Variants in RIF1 observed in about 807,000 individuals in gnomAD.
RIF1 encodes the protein replication timing regulatory factor 1.
Under a neutral mutation model 247.1 loss-of-function variants are expected in RIF1, and 45 were observed. The observed-to-expected ratio is 0.18, with a 90% CI of 0.14 to 0.23. RIF1 has a LOEUF of 0.23. RIF1 is among the 10% of genes least tolerant of loss of function. RIF1 has a pLI of 1.00. For missense variants in RIF1, 2,967 were observed against 2,862.5 expected, an observed-to-expected ratio of 1.04 and a Z score of -0.83; for synonymous variants, 1,087 against 978.8, an observed-to-expected ratio of 1.11 and a Z score of -2.06.
At chr2:151,436,445 A>T (rs1437272291) in intron 11 of RIF1, among the ~76,000 whole-genome samples, 1 of 150,072 alleles carries the variant, frequency 6.7e-6, no homozygotes, top group African/African-American at 2.4e-5. Flanking sequence ...TGGAATGCTG[A>T]TGGGAGAAGT....
Position 151,464,641 on chromosome 2 carries a change from G to C in RIF1, c.5121G>C (p.Ser1707=). 2 of 1,613,392 alleles carry C rather than the reference G, an allele frequency of 1.2e-6. No individual in the cohort carries two copies. The highest frequency in any genetic ancestry group is 1.7e-6 in the Non-Finnish European group (2 of 1,179,640). Residue 1707 remains serine, a synonymous_variant, in exon 30 of 36, where the codon TCG becomes TCC. Coordinates refer to ENST00000444746, the MANE Select transcript of RIF1 (RefSeq NM_018151.5). ...SSKIGISDIS[S]LSEKTFQTLE... ...AAATAGGGATATCAGATATTTCTTCGCTTTCAGAAAAAACTTTTCAAACAC... is the reference window on the plus strand; with the variant it reads ...AAATAGGGATATCAGATATTTCTTCCCTTTCAGAAAAAACTTTTCAAACAC...
At chr2:151,431,779 C>CTGAA (rs10681364) in intron 9 of RIF1, among the ~76,000 whole-genome samples, 18,115 of 149,574 alleles carry the variant, frequency 0.12, 1,754 homozygotes, top group African/African-American at 0.27. Context: ...ACTTCCGTCT[C>CTGAA]TGAATGAATG....
At chr2:151,529,457 G>A in the RIF1 span, 1 of 644,080 alleles carries the variant, frequency 1.6e-6, no homozygotes, top group Non-Finnish European at 2.8e-6. Context: ...TGTGGAGCAA[G>A]GATACAGCCA....
At chr2:151,466,579 T>C (rs1485538313) in intron 30 of RIF1, among the ~76,000 whole-genome samples, 2 of 152,226 alleles carry the variant, frequency 1.3e-5, no homozygotes, top group Non-Finnish European at 2.9e-5. Flanking sequence ...CTTCATCAAC[T>C]TGTAGATGTG....
In RIF1 at chr2:151,439,629, A is replaced by G. The variant is rs533396293; in HGVS notation, c.1547-398A>G. Among the ~76,000 whole-genome samples, 8 of 148,498 alleles carry G rather than the reference A, an allele frequency of 5.4e-5. No homozygotes were observed. In the East Asian group the frequency reaches 1.2e-3, roughly 22 times the overall value. On this transcript the variant is annotated intron_variant, in intron 14 of 35. Transcript: ENST00000444746. The stretch of plus-strand genomic sequence containing the variant: ...GGTTGCAGTGAGCTGAGATGGCGCC[A>G]TTGCACTCCAGCCTGGGCAATAAGA...
intron 23 of RIF1, 68 bp from the exon 24 acceptor site, chr2:151,457,693 A>G: frequency 8.5e-7 from 1 of 1,180,406 alleles, no homozygotes. Flanking sequence ...AAAAATTGAA[A>G]TAGCAACATA....
intron 6 of RIF1, among the ~76,000 whole-genome samples, chr2:151,419,505 T>C (rs1398739628): frequency 2.0e-5 from 3 of 151,982 alleles, no homozygotes; most frequent in Non-Finnish European, 4.4e-5. Flanking sequence ...GTTGTATTTT[T>C]AGAAGAGACA....
intron 4 of RIF1, among the ~76,000 whole-genome samples, 164 bp downstream of exon 4, chr2:151,415,083 C>T (rs1461672881): frequency 6.6e-6 from 1 of 151,960 alleles, no homozygotes; most frequent in Non-Finnish European, 1.5e-5. Context: ...TGTGGTGGCT[C>T]ACGCCTGTAA....
chr2:151,486,514 G>C (rs2050533135), downstream of RIF1: 1 of 152,690 alleles, frequency 6.5e-6, no homozygotes, highest in South Asian at 2.1e-4. Context: ...TACCCAAGAA[G>C]AATGAAGACA....
rs1465912588 is a variant in RIF1 at position 151,475,214 on chromosome 2, T to TA, written c.*144dup. On this transcript the variant is annotated 3_prime_UTR_variant, in exon 36 of 36. Transcript: ENST00000444746. ...TTTCAAACCCTGAAGGACAGTGACTTATTATGTAAGTTCAATTTTGTAAGT... is the reference window on the plus strand; with the variant it reads ...TTTCAAACCCTGAAGGACAGTGACTTAATTATGTAAGTTCAATTTTGTAAGT... 1 of 636,668 alleles carries TA rather than the reference T, an allele frequency of 1.6e-6. No individual in the cohort carries two copies. The highest frequency in any genetic ancestry group is 1.8e-5 in the African/African-American group (1 of 54,220). The allele number at this position is 636,668 out of a possible 1,614,324, so 39.4% of individuals were successfully genotyped here.
At position 151,501,409 on chromosome 2, in the gene RIF1, A is replaced by ATTGAG. The variant is rs2064439011; in HGVS notation, c.*710-1622_*710-1618dup. The ATTGAG allele has an allele frequency of 6.5e-7, 1 of 1,549,508 alleles. No homozygotes were observed. Among genetic ancestry groups the ATTGAG allele is most frequent in the Non-Finnish European group, 8.7e-7 (1 of 1,145,514 alleles). On this transcript the variant is annotated intron_variant and NMD_transcript_variant, in intron 11 of 13. Coordinates refer to the RIF1 transcript ENST00000454583. ...CAAATACCGAGCTAAAGTTTTCTTG[A>ATTGAG]TTGAGTTTGACTCGCTCCATCTCAG...
In RIF1 at chr2:151,476,837, A is replaced by T. The variant is rs1028675832; in HGVS notation, c.*1766A>T. ...TTTTAGCAAACAGGTATGAATAAGC[A>T]GCTATGTATATGTGTTTGGGGCAGA... On this transcript the variant is annotated 3_prime_UTR_variant, in exon 36 of 36. Coordinates refer to ENST00000444746, the MANE Select transcript of RIF1 (RefSeq NM_018151.5). 3.9e-5 allele frequency: 6 copies of T among 152,232 alleles called. No homozygotes were observed. In the East Asian group the frequency reaches 1.2e-3, roughly 29 times the overall value. 9.4% of individuals were successfully genotyped at this position (152,232 alleles called of 1,614,324 possible).
rs151338614 is a variant in RIF1, at chr2:151,490,380, A to G, written c.*416-4849A>G. 195 of 1,589,496 alleles carry G rather than the reference A, an allele frequency of 1.2e-4. No individual in the cohort carries two copies. The African/African-American group carries it at 2.4e-3, about 19-fold the overall frequency. Reference sequence around the variant, plus strand: ...GCGCCAGGCACTTGTACCTGTTGAGACTGCAAAGACACCCCCGTCGCTGTA... The same window carrying G: ...GCGCCAGGCACTTGTACCTGTTGAGGCTGCAAAGACACCCCCGTCGCTGTA... On this transcript the variant is annotated intron_variant and NMD_transcript_variant, in intron 9 of 13. Coordinates refer to the RIF1 transcript ENST00000454583.
Position 151,420,368 on chromosome 2 carries a change from C to G in RIF1, c.682C>G (p.Leu228Val), listed in dbSNP as rs751346343. Residue 228 changes from leucine (L) to valine (V), a missense_variant, in exon 7 of 36, where the codon CTT becomes GTT. Physicochemically the swap from Leu to Val is conservative, Grantham distance 32. Around this residue, in one of 7 missense-constraint regions of RIF1, gnomAD observed 269 missense variants for 288.6 expected, o/e 0.93. Transcript: ENST00000444746. Reference protein sequence around the residue: ...QQEIASITEQLMTTKLISELQ... With the variant: ...QQEIASITEQVMTTKLISELQ... ...AGAAATAGCATCTATTACGGAGCAG[C>G]TTATGACTACTGTGAGTGTTCTTTT... 1.2e-6 allele frequency: 2 copies of G among 1,613,948 alleles called. No homozygotes were observed. Among genetic ancestry groups the G allele is most frequent in the Admixed American group, 3.3e-5 (2 of 60,008 alleles).
intron 3 of RIF1, among the ~76,000 whole-genome samples, chr2:151,414,530 T>A (rs1686859036): frequency 1.3e-5 from 2 of 152,302 alleles, no homozygotes; most frequent in African/African-American, 4.8e-5. Context: ...CTTTTCCCTG[T>A]CATGTCTTTA....
In RIF1 at chr2:151,442,380, C is replaced by CT. The variant is rs34666273; in HGVS notation, c.1734+397dup. The stretch of plus-strand genomic sequence containing the variant: ...GAGCCACTGTGCCCAGCATATTTCC[C>CT]TTTTTTTTAAAAAAAAAAAAAAAAA... On this transcript the variant is annotated intron_variant, in intron 16 of 35. Coordinates refer to ENST00000444746, the MANE Select transcript of RIF1 (RefSeq NM_018151.5). Among the ~76,000 whole-genome samples, 10 of 146,414 alleles carry CT rather than the reference C, an allele frequency of 6.8e-5. No homozygotes were observed. In the East Asian group the frequency reaches 7.9e-4, roughly 12 times the overall value.
chr2:151,464,480 A>G lies in RIF1; in HGVS notation c.4960A>G (p.Asn1654Asp), dbSNP rs1156390011. 6.2e-7 allele frequency: 1 copy of G among 1,612,966 alleles called. No homozygotes were observed. Among genetic ancestry groups the G allele is most frequent in the Non-Finnish European group, 8.5e-7 (1 of 1,179,744 alleles). ...TTTACCAAATGTGTGTGAGGAAAAA[A>G]ATGAAACTAGCAAATATGCAGAATA... ...DDLPNVCEEK[N>D]ETSKYAEYSF... Residue 1654 changes from asparagine to aspartate, a missense_variant, in exon 30 of 36, where the codon AAT becomes GAT. Physicochemically the swap from Asn to Asp is conservative, Grantham distance 23. Around this residue, in one of 7 missense-constraint regions of RIF1, gnomAD observed 2,028 missense variants for 1,825.6 expected, o/e 1.11. Transcript: ENST00000444746.
chr2:151,432,847 T>A (rs1207195214), intron 9 of RIF1, among the ~76,000 whole-genome samples: 1 of 152,248 alleles, frequency 6.6e-6, no homozygotes, highest in Non-Finnish European at 1.5e-5. Context: ...TAAATATTAC[T>A]TATTTGTTTT....
intron 9 of RIF1, among the ~76,000 whole-genome samples, chr2:151,488,658 A>G (rs2053349745): frequency 6.6e-6 from 1 of 152,132 alleles, no homozygotes; most frequent in Admixed American, 6.6e-5. Flanking sequence ...AAAATAAAAA[A>G]AAAGTATTCT....
Sources: gnomAD v4.1 joint callset for allele counts (sites outside exome capture counted in the v4.1 genomes callset) on GRCh38, gnomAD v4.1.1 for gene constraint, gnomAD v4.1.1 regional missense constraint, MANE v1.5 for transcripts, NCBI Gene and HGNC (gene_info 2026-07-23, HGNC 2026-07-21) for gene names.